Variants in MYO9A observed in about 807,000 individuals in gnomAD.
MYO9A encodes the protein myosin IXA.
A neutral mutation model predicts 293.3 loss-of-function variants in MYO9A; 103 were observed. The ratio of observed to expected loss-of-function variants is 0.35; its 90% CI spans 0.30 to 0.41. The LOEUF is 0.41. Ranked by LOEUF, MYO9A falls within the 10% of genes least tolerant of loss-of-function variation. The pLI is 1.00. For synonymous variants in MYO9A, 1,001 were observed against 1,035.7 expected (o/e 0.97, Z 0.64); for missense variants, 2,685 against 3,033.0 (o/e 0.89, Z 2.69).
intron 1 of MYO9A, among the ~76,000 whole-genome samples, chr15:72,100,083 T>TA (rs1241706904): frequency 2.0e-5 from 3 of 151,544 alleles, no homozygotes; most frequent in Admixed American, 6.6e-5. Context: ...ACCCCATCTC[T>TA]AAAAAAATAG....
In MYO9A at chr15:71,951,834, G is replaced by A. The variant is rs748264821; in HGVS notation, c.2245C>T (p.His749Tyr). Reference protein sequence around the residue: ...KSMDSFSFLQHPVHQRSLEIL... With the variant: ...KSMDSFSFLQYPVHQRSLEIL... ...TCTAAGCTCCTCTGGTGGACTGGGTGTTGGAGAAAGCTAAAACTATCCATA... is the reference window on the plus strand; with the variant it reads ...TCTAAGCTCCTCTGGTGGACTGGGTATTGGAGAAAGCTAAAACTATCCATA... Residue 749 changes from histidine to tyrosine, a missense_variant, in exon 15 of 42, where the codon CAC (histidine) becomes TAC (tyrosine). This residue lies in a region of MYO9A where 1,434 missense variants were observed against 1,497.7 expected (regional missense o/e 0.96). Transcript: ENST00000356056. 1 of 1,613,276 alleles carries A rather than the reference G, an allele frequency of 6.2e-7. No homozygotes were observed. Among genetic ancestry groups the A allele is most frequent in the Admixed American group, 1.7e-5 (1 of 59,958 alleles).
At chr15:71,853,982 G>T (rs2055763743) in intron 35 of MYO9A, among the ~76,000 whole-genome samples, 1 of 152,176 alleles carries the variant, frequency 6.6e-6, no homozygotes, top group African/African-American at 2.4e-5. Context: ...TGTAAATGGG[G>T]ATAATAATAT....
At chr15:72,009,207 A>G (rs552579900) in intron 7 of MYO9A, among the ~76,000 whole-genome samples, 66 of 152,348 alleles carry the variant, frequency 4.3e-4, no homozygotes, top group Admixed American at 7.2e-4. Flanking sequence ...TTTAATAGAA[A>G]TTCACTAATT....
chr15:71,872,019 A>G (rs1446187352), intron 32 of MYO9A, among the ~76,000 whole-genome samples: 1 of 152,042 alleles, frequency 6.6e-6, no homozygotes, highest in Non-Finnish European at 1.5e-5. Context: ...AAAGAGGTCT[A>G]CTTTATAATG....
In MYO9A at chr15:71,852,291, G is replaced by A. The variant is rs774743419; in HGVS notation, c.6347-31C>T. 3 of 1,563,508 alleles carry A rather than the reference G, an allele frequency of 1.9e-6. No individual in the cohort carries two copies. The South Asian group carries it at 3.5e-5, about 18-fold the overall frequency. On this transcript the variant is annotated intron_variant, in intron 35 of 41. Transcript: ENST00000356056. ...TAGAGACAAGAGTTAGATTAACAGA[G>A]CCAAAACATGCAAAGAGATTCAAAT...
At chr15:71,889,175 C>G (rs1193437455) in intron 26 of MYO9A, among the ~76,000 whole-genome samples, 1 of 152,106 alleles carries the variant, frequency 6.6e-6, no homozygotes, top group African/African-American at 2.4e-5. Flanking sequence ...CTCTAGAGAT[C>G]TACAGAAGGT....
chr15:71,952,979 T>G (rs117186237), intron 14 of MYO9A, among the ~76,000 whole-genome samples: 1 of 152,204 alleles, frequency 6.6e-6, no homozygotes, highest in Non-Finnish European at 1.5e-5. Context: ...GCAGCCATAT[T>G]TGGCAATGGA....
chr15:71,859,558 T>C (rs980545010), intron 34 of MYO9A, among the ~76,000 whole-genome samples, 177 bp downstream of exon 34: 1 of 152,204 alleles, frequency 6.6e-6, no homozygotes, highest in African/African-American at 2.4e-5. Context: ...TTTGTACATA[T>C]ATCACCAAAC....
At chr15:71,933,754 C>T (rs762533386) in intron 17 of MYO9A, 45 bp from the exon 18 acceptor site, 11 of 1,428,600 alleles carry the variant, frequency 7.7e-6, no homozygotes, top group Non-Finnish European at 5.8e-6. Flanking sequence ...TGTATAAAAA[C>T]AAAAACAAAA....
chr15:72,085,777 T>C (rs1337400593), intron 1 of MYO9A, among the ~76,000 whole-genome samples: 3 of 152,240 alleles, frequency 2.0e-5, no homozygotes, highest in Non-Finnish European at 2.9e-5. Context: ...TCTTTGAAGA[T>C]GCTGTCCTTC....
chr15:72,003,884 C>G (rs1031425860), intron 8 of MYO9A, among the ~76,000 whole-genome samples: 1 of 152,144 alleles, frequency 6.6e-6, no homozygotes, highest in Non-Finnish European at 1.5e-5. Flanking sequence ...TGACCTCTCT[C>G]AAACCCTTGA....
At chr15:71,998,720 C>A (rs2076778242) in intron 9 of MYO9A, among the ~76,000 whole-genome samples, 1 of 151,004 alleles carries the variant, frequency 6.6e-6, no homozygotes, top group Non-Finnish European at 1.5e-5. Context: ...TAATGCTATC[C>A]CTCCCCGCTT....
At chr15:71,959,735 C>G in intron 14 of MYO9A, 166 bp downstream of exon 14, 1 of 623,364 alleles carries the variant, frequency 1.6e-6, no homozygotes, top group Non-Finnish European at 2.8e-6. Flanking sequence ...AAAAACTGTT[C>G]ATAGTCACAA....
intron 11 of MYO9A, among the ~76,000 whole-genome samples, chr15:71,984,598 T>C (rs897936796): frequency 2.0e-5 from 3 of 152,208 alleles, no homozygotes; most frequent in African/African-American, 7.2e-5. Context: ...ACCTTTTTAC[T>C]ATGCTCTTAG....
chr15:71,886,866 T>C (rs1044654487), intron 27 of MYO9A, among the ~76,000 whole-genome samples: 2 of 152,110 alleles, frequency 1.3e-5, no homozygotes, highest in East Asian at 3.8e-4. Context: ...TATTTCTCAA[T>C]ATTTGGTTTC....
intron 5 of MYO9A, among the ~76,000 whole-genome samples, chr15:72,020,715 T>C (rs771280174): frequency 6.6e-6 from 1 of 152,198 alleles, no homozygotes; most frequent in Non-Finnish European, 1.5e-5. Flanking sequence ...AAAGCACATA[T>C]ATTATCTGAG....
intron 3 of MYO9A, among the ~76,000 whole-genome samples, chr15:72,028,286 A>G (rs983602158): frequency 2.0e-5 from 3 of 148,780 alleles, no homozygotes; most frequent in Non-Finnish European, 4.4e-5. Context: ...GGGTACTGTT[A>G]GTGTTATCCA....
chr15:72,117,152 C>T (rs938228189), intron 1 of MYO9A: 2 of 152,212 alleles, frequency 1.3e-5, no homozygotes, highest in Admixed American at 1.3e-4. Context: ...GGGACTGACA[C>T]CACATCTACC....
rs545706845 is a variant in MYO9A, at chr15:71,829,166, A to G, written c.7040+943T>C. Among the ~76,000 whole-genome samples, 5 of 152,308 alleles carry G rather than the reference A, an allele frequency of 3.3e-5. 1 individual carries two copies. Among genetic ancestry groups the G allele is most frequent in the African/African-American group, 1.2e-4 (5 of 41,568 alleles). On this transcript the variant is annotated intron_variant, in intron 40 of 41. Transcript: ENST00000356056. ...CAAAGCCAAACTGGGTCTTCTTTTC[A>G]GATCACTCTTCTAGCAAATAGCCCC...
Sources: allele counts gnomAD v4.1 joint callset (sites outside exome capture counted in the v4.1 genomes callset), GRCh38; gene constraint gnomAD v4.1.1; regional missense constraint gnomAD v4.1.1; transcripts MANE v1.5; gene names NCBI Gene and HGNC (gene_info 2026-07-23, HGNC 2026-07-21).